Variants in F8 observed in about 807,000 individuals in gnomAD.
F8 encodes the protein coagulation factor VIII, also known as antihemophilic factor.
A neutral mutation model predicts 140.6 loss-of-function variants in F8; 12 were observed. The observed-to-expected ratio is 0.09, with a 90% CI of 0.05 to 0.14. The LOEUF (loss-of-function observed/expected upper bound fraction) is 0.14, where lower values mean the gene tolerates loss of function less well. Ranked by LOEUF, F8 falls within the 10% of genes least tolerant of loss-of-function variation. The pLI, the probability that F8 is intolerant of heterozygous loss-of-function variation, is 1.00. For synonymous variants in F8, 585 were observed against 614.6 expected (o/e 0.95, Z 0.71); for missense variants, 1,354 against 1,720.7 (o/e 0.79, Z 3.77).
intron 22 of F8, among the ~76,000 whole-genome samples, chrX:154,873,935 T>A (rs1339240958): frequency 8.9e-6 from 1 of 112,112 alleles, no homozygotes; most frequent in African/African-American, 3.2e-5. Context: ...ATTTGGGCAA[T>A]AATTTTTTTA....
Position 154,930,863 on chromosome X carries a change from T to C in F8, c.2927A>G (p.Glu976Gly). 8.3e-7 allele frequency: 1 copy of C among 1,204,718 alleles called. No individual in the cohort carries two copies. Among genetic ancestry groups the C allele is most frequent in the Non-Finnish European group, 1.1e-6 (1 of 893,098 alleles). ...LLESGLMNSQ[E>G]SSWGKNVSST... ...CGATACATTTTTTCCCCATGAACTT[T>C]CTTGGCTATTCATTAAACCTGATTC... The change falls in exon 14 of 26, where the codon GAA (glutamate) becomes GGA (glycine). Residue 976 changes from glutamate to glycine, a missense_variant. Transcript: ENST00000360256.
chrX:154,893,643 T>G (rs1216831696), intron 22 of F8, among the ~76,000 whole-genome samples: 1 of 110,813 alleles, frequency 9.0e-6, no homozygotes, highest in Non-Finnish European at 1.9e-5. Context: ...GTCTGGGGAG[T>G]CATGCCCTAC....
chrX:154,938,558 T>G (rs1289889712), intron 13 of F8, among the ~76,000 whole-genome samples: 1 of 111,594 alleles, frequency 9.0e-6, no homozygotes, highest in Non-Finnish European at 1.9e-5. Context: ...CAAAAATTTC[T>G]GAAACAGAAT....
At chrX:154,959,516 A>T (rs947053851) in intron 10 of F8, among the ~76,000 whole-genome samples, 1 of 112,802 alleles carries the variant, frequency 8.9e-6, no homozygotes, top group Non-Finnish European at 1.9e-5. Context: ...TTACTTCAGG[A>T]TACACCTTTG....
At chrX:154,874,261 T>C (rs781813944) in intron 22 of F8, among the ~76,000 whole-genome samples, 1 of 112,903 alleles carries the variant, frequency 8.9e-6, no homozygotes. Flanking sequence ...CACAATGAGA[T>C]ATTCCCTCAC....
chrX:154,863,652 A>C (rs1264875688), intron 22 of F8, among the ~76,000 whole-genome samples: 1 of 111,027 alleles, frequency 9.0e-6, no homozygotes, highest in Non-Finnish European at 1.9e-5. Context: ...AGGAACAATA[A>C]TTTGACAATG....
intron 22 of F8, among the ~76,000 whole-genome samples, chrX:154,874,403 C>A (rs1345928112): frequency 8.9e-6 from 1 of 112,642 alleles, no homozygotes; most frequent in East Asian, 2.8e-4. Flanking sequence ...GCTCACAGTT[C>A]TGGAGGCTGG....
At chrX:154,906,843 A>C (rs1413000754) in intron 14 of F8, among the ~76,000 whole-genome samples, 1 of 112,553 alleles carries the variant, frequency 8.9e-6, no homozygotes, top group Non-Finnish European at 1.9e-5. Context: ...TGTTGAATGA[A>C]TGTAAAGTTT....
In F8 at chrX:154,931,016, G is replaced by A. The variant is rs782533044; in HGVS notation, c.2774C>T (p.Pro925Leu). Residue 925 changes from proline (P) to leucine (L), a missense_variant, in exon 14 of 26, where the codon CCC (proline) becomes CTC (leucine). Physicochemically the swap from Pro to Leu is moderately conservative, Grantham distance 98. Transcript: ENST00000360256. ...ATCATAATGAACTGGCATACTTGGGGGTCCTAAGGAACTTGTATTATCAGT... is the reference window on the plus strand; with the variant it reads ...ATCATAATGAACTGGCATACTTGGGAGTCCTAAGGAACTTGTATTATCAGT... ...AGTDNTSSLGPPSMPVHYDSQ... is the reference protein window; with the variant it reads ...AGTDNTSSLGLPSMPVHYDSQ... 2 of 1,189,148 alleles carry A rather than the reference G, an allele frequency of 1.7e-6. No homozygotes were observed.
chrX:154,895,174 C>T (rs1489691103), intron 22 of F8, among the ~76,000 whole-genome samples: 1 of 112,000 alleles, frequency 8.9e-6, no homozygotes, highest in African/African-American at 3.3e-5. Flanking sequence ...GCCAGTGCTC[C>T]CTGTTGGTGA....
intron 25 of F8, among the ~76,000 whole-genome samples, chrX:154,856,340 C>G (rs1384025221): frequency 1.8e-5 from 2 of 112,082 alleles, no homozygotes; most frequent in African/African-American, 6.5e-5. Flanking sequence ...AATTAGAAAA[C>G]CTAAATACAA....
Position 154,837,698 on chromosome X carries a change from G to A in F8, c.6955C>T (p.Pro2319Ser), listed in dbSNP as rs137852374. The A allele has an allele frequency of 8.3e-7, 1 of 1,211,577 alleles. No individual in the cohort carries two copies. Among genetic ancestry groups the A allele is most frequent in the South Asian group, 1.8e-5 (1 of 56,956 alleles). ...ATTCGAAGGTAGCGAGTCAGTAACGGTGGGTCTAGAGAGTTCACCACAGGT... is the reference window on the plus strand; with the variant it reads ...ATTCGAAGGTAGCGAGTCAGTAACGATGGGTCTAGAGAGTTCACCACAGGT... ...FTPVVNSLDP[P>S]LLTRYLRIHP... Residue 2319 changes from proline (P) to serine (S), a missense_variant, in exon 26 of 26, where the codon CCG (proline) becomes TCG (serine). Transcript: ENST00000360256.
chrX:154,898,904 G>T (rs1557275769), intron 21 of F8, among the ~76,000 whole-genome samples: 15 of 111,633 alleles, frequency 1.3e-4, no homozygotes, highest in Non-Finnish European at 2.8e-4. Flanking sequence ...CTATTTACTA[G>T]TCTTATCAGG....
rs1603432206 is a variant in F8, at chrX:154,880,453, C to T, written c.6429+15624G>A. Among the ~76,000 whole-genome samples, 3 of 111,546 alleles carry T rather than the reference C, an allele frequency of 2.7e-5. No individual in the cohort carries two copies. The South Asian group carries it at 1.1e-3, about 42-fold the overall frequency. Reference sequence around the variant, plus strand: ...TTGAGGGAAAGCTGCACCAAAAAACCTTGTTACACAACTCTTACCTTCTTA... The same window carrying T: ...TTGAGGGAAAGCTGCACCAAAAAACTTTGTTACACAACTCTTACCTTCTTA... On this transcript the variant is annotated intron_variant, in intron 22 of 25. Transcript: ENST00000360256.
At chrX:154,915,054 G>C (rs2073088565) in intron 14 of F8, among the ~76,000 whole-genome samples, 1 of 112,011 alleles carries the variant, frequency 8.9e-6, no homozygotes, top group African/African-American at 3.3e-5. Flanking sequence ...TTGCAATCAT[G>C]GTGGAAGGCG....
chrX:154,962,461 A>AAG (rs782226011), intron 9 of F8, among the ~76,000 whole-genome samples: 3 of 112,398 alleles, frequency 2.7e-5, no homozygotes, highest in Non-Finnish European at 5.6e-5. Flanking sequence ...ATAATAGAGA[A>AAG]AGAGACAGTG....
chrX:154,920,486 C>T (rs1557277469), intron 14 of F8, among the ~76,000 whole-genome samples: 1 of 110,926 alleles, frequency 9.0e-6, no homozygotes, highest in Non-Finnish European at 1.9e-5. Flanking sequence ...GGGTCTTGCT[C>T]TGTTGCCCAG....
At chrX:154,871,606 C>T (rs1259091947) in intron 22 of F8, among the ~76,000 whole-genome samples, 2 of 111,839 alleles carry the variant, frequency 1.8e-5, no homozygotes, top group Non-Finnish European at 3.8e-5. Flanking sequence ...AGAAGAAAAC[C>T]TGGGCAATAC....
chrX:154,847,789 C>T (rs1444753456), intron 25 of F8, among the ~76,000 whole-genome samples: 2 of 113,084 alleles, frequency 1.8e-5, no homozygotes, highest in African/African-American at 6.4e-5. Context: ...CTCAACTCGT[C>T]AAAGTCATTT....
Sources: gnomAD v4.1 joint callset for allele counts (sites outside exome capture counted in the v4.1 genomes callset) on GRCh38, gnomAD v4.1.1 for gene constraint, MANE v1.5 for transcripts, NCBI Gene and HGNC (gene_info 2026-07-23, HGNC 2026-07-21) for gene names.